RTN3: variants seen among roughly 807,000 people sequenced by gnomAD.
RTN3 encodes the protein reticulon-3.
RTN3 carries 49 observed loss-of-function variants against 77.8 expected under a neutral mutation model. The observed-to-expected ratio is 0.63, with a 90% CI of 0.50 to 0.80. RTN3 has a LOEUF of 0.80. Ranked by LOEUF, RTN3 falls within the 30% of genes least tolerant of loss-of-function variation. The probability of loss-of-function intolerance (pLI) is 0.00; values close to 1 mark genes in which losing one functional copy is unlikely to be tolerated. For missense variants in RTN3, 1,236 were observed against 1,211.9 expected, an observed-to-expected ratio of 1.02 and a Z score of -0.29; for synonymous variants, 464 against 446.9, an observed-to-expected ratio of 1.04 and a Z score of -0.48.
At chr11:63,723,677 T>C (rs1244083406) in intron 3 of RTN3, among the ~76,000 whole-genome samples, 1 of 152,160 alleles carries the variant, frequency 6.6e-6, no homozygotes, top group Admixed American at 6.5e-5. Context: ...TCCGCCTGCG[T>C]TGGCCTCTCA....
intron 1 of RTN3, among the ~76,000 whole-genome samples, chr11:63,695,648 C>G (rs1161599643): frequency 6.6e-6 from 1 of 152,190 alleles, no homozygotes; most frequent in Non-Finnish European, 1.5e-5. Context: ...TGGTATTCTT[C>G]CCGAAAAGCC....
Position 63,758,252 on chromosome 11 carries a change from A to T in RTN3, c.*51A>T. ...GTTACTAAAACACCATTTAATAGTT[A>T]TAACGTCGTTACTTGTACTATGAAG... On this transcript the variant is annotated 3_prime_UTR_variant, in exon 9 of 9. Transcript: ENST00000377819. The T allele has an allele frequency of 6.2e-7, 1 of 1,613,764 alleles. No homozygotes were observed. Among genetic ancestry groups the T allele is most frequent in the Non-Finnish European group, 8.5e-7 (1 of 1,179,828 alleles).
chr11:63,694,569 C>T (rs1941838001), intron 1 of RTN3, among the ~76,000 whole-genome samples: 1 of 152,082 alleles, frequency 6.6e-6, no homozygotes, highest in Admixed American at 6.6e-5. Flanking sequence ...ATGTCCTGGG[C>T]TCAAGCCGTC....
chr11:63,735,029 A>T (rs562936965), intron 3 of RTN3, among the ~76,000 whole-genome samples: 7 of 145,824 alleles, frequency 4.8e-5, no homozygotes, highest in South Asian at 4.3e-4. Flanking sequence ...ATTTGACAAT[A>T]AAAAAAAAAC....
At chr11:63,718,575 A>G in intron 2 of RTN3, 127 bp from the exon 3 acceptor site, 1 of 599,586 alleles carries the variant, frequency 1.7e-6, no homozygotes, top group Non-Finnish European at 2.7e-6. Flanking sequence ...GTGTGTATAT[A>G]TACATCCTGT....
At chr11:63,742,190 A>G (rs2013524045) in intron 3 of RTN3, among the ~76,000 whole-genome samples, 2 of 150,452 alleles carry the variant, frequency 1.3e-5, no homozygotes, top group African/African-American at 4.9e-5. Flanking sequence ...CGTGTTAGCC[A>G]GGATGATCTC....
At position 63,720,765 on chromosome 11, in the gene RTN3, C is replaced by G. The variant is rs769733837; in HGVS notation, c.2263C>G (p.Gln755Glu). 2.4e-5 allele frequency: 38 copies of G among 1,614,014 alleles called. 1 individual carries two copies. In the South Asian group the frequency reaches 4.1e-4, roughly 17 times the overall value. ...IKALKELGER[Q>E]VEKSTSAQRD... ...GGCTCTTAAAGAATTAGGTGAAAGA[C>G]AGGTTGAGAAGTCAACTTCTGCACA... Residue 755 changes from glutamine (Q) to glutamate (E), a missense_variant, in exon 3 of 9, where the codon CAG becomes GAG. Gln to Glu is a conservative substitution (Grantham distance 29, BLOSUM62 2). This residue lies in a region of RTN3 where 1,056 missense variants were observed against 990.4 expected (regional missense o/e 1.07). Coordinates refer to ENST00000377819, the MANE Select transcript of RTN3 (RefSeq NM_001265589.2).
intron 3 of RTN3, among the ~76,000 whole-genome samples, chr11:63,739,004 G>C (rs1158176941): frequency 6.6e-6 from 1 of 152,064 alleles, no homozygotes; most frequent in Non-Finnish European, 1.5e-5. Flanking sequence ...ACAAGAAATA[G>C]ATACTTTAAT....
intron 1 of RTN3, among the ~76,000 whole-genome samples, chr11:63,685,946 T>A (rs1319392473): frequency 6.6e-6 from 1 of 152,174 alleles, no homozygotes; most frequent in Non-Finnish European, 1.5e-5. Flanking sequence ...GCCAGCAATG[T>A]AGTATGCTTA....
chr11:63,731,085 T>A (rs1461605980), intron 3 of RTN3, among the ~76,000 whole-genome samples: 1 of 151,988 alleles, frequency 6.6e-6, no homozygotes, highest in Non-Finnish European at 1.5e-5. Context: ...ATTTTTTTTT[T>A]TATTTATTTA....
In RTN3 at chr11:63,721,680, T is replaced by TA. The variant is rs2011822313; in HGVS notation, c.2530+649dup. ...AAGGTGATATTAGGTGAGAATCTAA[T>TA]ATCATCAGGTTCTTACTTATTTACA... On this transcript the variant is annotated intron_variant, in intron 3 of 8. Coordinates refer to ENST00000377819, the MANE Select transcript of RTN3 (RefSeq NM_001265589.2). Among the ~76,000 whole-genome samples the TA allele has an allele frequency of 1.3e-5, 2 of 152,228 alleles. 1 individual carries two copies. The highest frequency in any genetic ancestry group is 3.9e-4 in the East Asian group (2 of 5,188).
chr11:63,718,951 G>T lies in RTN3; in HGVS notation c.449G>T (p.Gly150Val). Residue 150 changes from glycine (G) to valine (V), a missense_variant, in exon 3 of 9, where the codon GGA becomes GTA. Coordinates refer to ENST00000377819, the MANE Select transcript of RTN3 (RefSeq NM_001265589.2). Reference sequence around the variant, plus strand: ...GACTCTTCAGTTTCTCTTGCAGCAGGAGTTCATTGTGACCGTCCTTCTATT... The same window carrying T: ...GACTCTTCAGTTTCTCTTGCAGCAGTAGTTCATTGTGACCGTCCTTCTATT... ...VSDSSVSLAA[G>V]VHCDRPSIPA... 1 of 1,614,168 alleles carries T rather than the reference G, an allele frequency of 6.2e-7. No homozygotes were observed.
intron 3 of RTN3, among the ~76,000 whole-genome samples, chr11:63,724,173 C>CTTTTTTT (rs958114305): frequency 1.2e-5 from 1 of 85,464 alleles, no homozygotes; most frequent in African/African-American, 4.9e-5. Context: ...TTTAGGAATT[C>CTTTTTTT]TTTTTTTTTT....
At chr11:63,744,150 G>A (rs577462369) in intron 3 of RTN3, among the ~76,000 whole-genome samples, 3 of 140,946 alleles carry the variant, frequency 2.1e-5, no homozygotes, top group South Asian at 4.7e-4. Context: ...GCTGAGGTGG[G>A]AGAATCGCTT....
At chr11:63,745,097 G>A (rs1025898069) in intron 3 of RTN3, among the ~76,000 whole-genome samples, 3 of 152,074 alleles carry the variant, frequency 2.0e-5, no homozygotes, top group Non-Finnish European at 4.4e-5. Context: ...TTAAACTATT[G>A]GCAACTGCCT....
At chr11:63,718,555 A>C (rs556316183) in intron 2 of RTN3, 147 bp from the exon 3 acceptor site, 51 of 469,750 alleles carry the variant, frequency 1.1e-4, no homozygotes, top group African/African-American at 9.9e-4. Flanking sequence ...TCGTTTTGTT[A>C]CATATTTATG....
At chr11:63,703,605 C>T (rs757887605) in intron 1 of RTN3, among the ~76,000 whole-genome samples, 1 of 150,536 alleles carries the variant, frequency 6.6e-6, no homozygotes, top group Non-Finnish European at 1.5e-5. Context: ...TGCAGTGGCG[C>T]GATCTCGGCT....
chr11:63,740,952 T>C (rs925847575), intron 3 of RTN3, among the ~76,000 whole-genome samples: 1 of 152,122 alleles, frequency 6.6e-6, no homozygotes, highest in African/African-American at 2.4e-5. Flanking sequence ...GTTGATCTTG[T>C]ATTATCCTAT....
Position 63,758,703 on chromosome 11 carries a change from G to A in RTN3, c.*502G>A. 2 of 262,244 alleles carry A rather than the reference G, an allele frequency of 7.6e-6. No individual in the cohort carries two copies. Among genetic ancestry groups the A allele is most frequent in the Non-Finnish European group, 1.4e-5 (2 of 140,792 alleles). 16.2% of individuals were successfully genotyped at this position (262,244 alleles called of 1,614,324 possible). On this transcript the variant is annotated 3_prime_UTR_variant, in exon 9 of 9. Coordinates refer to ENST00000377819, the MANE Select transcript of RTN3 (RefSeq NM_001265589.2). ...CCTATCTTCCTGCCCCACAATGTGA[G>A]CAGCTACCCCTGATACTCCTTTTCT...
Sources: allele counts gnomAD v4.1 joint callset (sites outside exome capture counted in the v4.1 genomes callset), GRCh38; gene constraint gnomAD v4.1.1; regional missense constraint gnomAD v4.1.1; transcripts MANE v1.5; gene names NCBI Gene and HGNC (gene_info 2026-07-23, HGNC 2026-07-21).